The following GLIS3 variants were observed in gnomAD, a reference collection of about 807,000 sequenced individuals.
The protein encoded by GLIS3 is zinc finger protein GLIS3.
A neutral mutation model predicts 78.6 loss-of-function variants in GLIS3; 53 were observed. The observed-to-expected ratio is 0.67, with a 90% CI of 0.54 to 0.85. GLIS3 has a LOEUF of 0.85. Among genes scored for constraint, GLIS3 ranks in the 40% least tolerant of loss-of-function variants. The pLI is 0.00. For missense variants in GLIS3, 1,703 were observed against 1,231.1 expected (o/e 1.38, Z -5.74); for synonymous variants, 684 against 509.9 (o/e 1.34, Z -4.60).
intron 2 of GLIS3, among the ~76,000 whole-genome samples, chr9:4,163,187 G>C (rs1313222900): frequency 6.6e-6 from 1 of 152,242 alleles, no homozygotes; most frequent in Non-Finnish European, 1.5e-5. Context: ...AGATCTGCCT[G>C]GGTCCATAGC....
intron 4 of GLIS3, among the ~76,000 whole-genome samples, chr9:4,076,227 T>C (rs949277885): frequency 2.6e-5 from 4 of 152,220 alleles, no homozygotes; most frequent in South Asian, 2.1e-4. Context: ...CCATAAGAAC[T>C]ATAATCTCCA....
intron 2 of GLIS3, among the ~76,000 whole-genome samples, chr9:4,236,008 G>A (rs1048179107): frequency 2.0e-5 from 3 of 151,750 alleles, no homozygotes; most frequent in East Asian, 1.9e-4. Context: ...ACTGATTAAC[G>A]CTTTTGCACA....
At chr9:3,915,474 G>A (rs1226794201) in intron 6 of GLIS3, among the ~76,000 whole-genome samples, 1 of 152,048 alleles carries the variant, frequency 6.6e-6, no homozygotes, top group East Asian at 1.9e-4. Flanking sequence ...GTCAAGAGGA[G>A]GCATCAGGAA....
At position 3,856,200 on chromosome 9, in the gene GLIS3, T is replaced by C; in HGVS notation, c.2298-16A>G. On this transcript the variant is annotated splice_polypyrimidine_tract_variant and intron_variant, in intron 8 of 10. Coordinates refer to ENST00000381971, the MANE Select transcript of GLIS3 (RefSeq NM_001042413.2). ...AGGTGCAAACCTGAGAAAACAATTA[T>C]AAAAGGAAACATGAGGGACATAAAA... 33 of 1,609,642 alleles carry C rather than the reference T, an allele frequency of 2.1e-5. No homozygotes were observed. Among genetic ancestry groups the C allele is most frequent in the Non-Finnish European group, 2.7e-5 (32 of 1,177,744 alleles).
intron 4 of GLIS3, among the ~76,000 whole-genome samples, chr9:4,101,166 G>A (rs1035513201): frequency 6.6e-6 from 1 of 152,180 alleles, no homozygotes; most frequent in Non-Finnish European, 1.5e-5. Flanking sequence ...AATCACTTGA[G>A]CTGTTTCCTC....
At chr9:4,314,004 G>A (rs942364486) in intron 2 of GLIS3, among the ~76,000 whole-genome samples, 7 of 152,164 alleles carry the variant, frequency 4.6e-5, no homozygotes, top group Middle Eastern at 3.2e-3. Context: ...GAGAGATGGC[G>A]TTACATAAAA....
At chr9:4,094,409 C>T (rs1829779124) in intron 4 of GLIS3, among the ~76,000 whole-genome samples, 1 of 152,066 alleles carries the variant, frequency 6.6e-6, no homozygotes, top group African/African-American at 2.4e-5. Flanking sequence ...TTTTTTTACT[C>T]TAAATAAAAT....
the GLIS3 span, among the ~76,000 whole-genome samples, chr9:4,390,127 A>G: frequency 1.3e-5 from 2 of 152,256 alleles, no homozygotes; most frequent in Non-Finnish European, 2.9e-5. Flanking sequence ...ACATGTATAG[A>G]TGCCTGAAAG....
intron 4 of GLIS3, among the ~76,000 whole-genome samples, chr9:3,945,992 A>G (rs1816270592): frequency 6.6e-6 from 1 of 152,132 alleles, no homozygotes; most frequent in Non-Finnish European, 1.5e-5. Flanking sequence ...GCATTCCCTA[A>G]TTAAGCAGCA....
At chr9:4,171,382 A>T (rs1816362325) in intron 2 of GLIS3, among the ~76,000 whole-genome samples, 1 of 152,162 alleles carries the variant, frequency 6.6e-6, no homozygotes, top group South Asian at 2.1e-4. Flanking sequence ...ATTAGATTGA[A>T]ATTTAACCTA....
At chr9:3,928,077 G>A (rs1010760217) in intron 6 of GLIS3, among the ~76,000 whole-genome samples, 1 of 152,170 alleles carries the variant, frequency 6.6e-6, no homozygotes, top group African/African-American at 2.4e-5. Context: ...AATGATTAAA[G>A]TACAGAAGTT....
chr9:4,157,036 G>T (rs1302442980), intron 2 of GLIS3, among the ~76,000 whole-genome samples: 2 of 152,178 alleles, frequency 1.3e-5, no homozygotes, highest in Admixed American at 1.3e-4. Context: ...ATCTGTCACA[G>T]TCCCTGTAAC....
At chr9:3,975,298 A>G (rs913265813) in intron 4 of GLIS3, 6 of 152,136 alleles carry the variant, frequency 3.9e-5, no homozygotes, top group African/African-American at 1.4e-4. Context: ...CCAGGGGGGC[A>G]CAGGAATAGG....
chr9:4,207,964 G>A lies in GLIS3; in HGVS notation c.388+78074C>T, dbSNP rs1326595707. Among the ~76,000 whole-genome samples, 8 of 152,284 alleles carry A rather than the reference G, an allele frequency of 5.3e-5. No individual in the cohort carries two copies. The South Asian group carries it at 1.0e-3, about 20-fold the overall frequency. ...AAATGCTATATGTCCCTGGAACCAC[G>A]TTGGGGGTAGCGGTGTGCTTTAAAC... On this transcript the variant is annotated intron_variant, in intron 2 of 10. Coordinates refer to ENST00000381971, the MANE Select transcript of GLIS3 (RefSeq NM_001042413.2).
intron 2 of GLIS3, among the ~76,000 whole-genome samples, chr9:4,187,804 T>C (rs1263292863): frequency 1.3e-5 from 2 of 152,128 alleles, no homozygotes; most frequent in African/African-American, 2.4e-5. Flanking sequence ...GTTTGTCTGT[T>C]ATTGGTGTAT....
At chr9:4,336,453 C>T (rs1817758860) in intron 2 of GLIS3, among the ~76,000 whole-genome samples, 2 of 152,270 alleles carry the variant, frequency 1.3e-5, no homozygotes, top group South Asian at 2.1e-4. Context: ...AGGATCATTG[C>T]TACAGTTTCT....
chr9:4,437,780 G>A, the GLIS3 span, among the ~76,000 whole-genome samples: 2 of 152,112 alleles, frequency 1.3e-5, no homozygotes, highest in Non-Finnish European at 1.5e-5. Context: ...TTGTTGTGAA[G>A]ACAATGAGGG....
chr9:4,078,914 C>T (rs1828311378), intron 4 of GLIS3, among the ~76,000 whole-genome samples: 2 of 152,278 alleles, frequency 1.3e-5, no homozygotes, highest in Middle Eastern at 6.8e-3. Context: ...CCCGCCCCAC[C>T]CCACAACATC....
At position 3,977,031 on chromosome 9, in the gene GLIS3, A is replaced by G. The variant is rs1263221659; in HGVS notation, c.1711-39842T>C. 6.6e-6 allele frequency among the ~76,000 whole-genome samples: 1 copy of G among 152,070 alleles called. No individual in the cohort carries two copies. The highest frequency in any genetic ancestry group is 1.5e-5 in the Non-Finnish European group (1 of 68,004). On this transcript the variant is annotated intron_variant, in intron 4 of 10. Coordinates refer to ENST00000381971, the MANE Select transcript of GLIS3 (RefSeq NM_001042413.2). The surrounding 1 kb of genome is among the most constrained non-coding windows in gnomAD (Gnocchi z 4.1). ...AAAAAAAAATTAGCTAAAATTTCAG[A>G]TAACGCAGCCTTCTGTCATGTTCTC...
Sources: allele counts gnomAD v4.1 joint callset (sites outside exome capture counted in the v4.1 genomes callset), GRCh38; gene constraint gnomAD v4.1.1; non-coding constraint Gnocchi (gnomAD v3.1); transcripts MANE v1.5; gene names NCBI Gene and HGNC (gene_info 2026-07-23, HGNC 2026-07-21).